Variants in PPP6R2 observed in about 807,000 individuals in gnomAD.
PPP6R2 encodes the protein serine/threonine-protein phosphatase 6 regulatory subunit 2.
Under a neutral mutation model 100.2 loss-of-function variants are expected in PPP6R2, and 62 were observed. That is an observed-to-expected ratio of 0.62 (90% confidence interval 0.50 to 0.76). The LOEUF is 0.76. Ranked by LOEUF, PPP6R2 falls within the 30% of genes least tolerant of loss-of-function variation. The probability of loss-of-function intolerance (pLI) is 0.00; values close to 1 mark genes in which losing one functional copy is unlikely to be tolerated. For synonymous variants in PPP6R2, 525 were observed against 514.7 expected, an observed-to-expected ratio of 1.02 and a Z score of -0.27; for missense variants, 1,142 against 1,276.3, an observed-to-expected ratio of 0.89 and a Z score of 1.60.
At chr22:50,385,776 A>T (rs2054108262) in intron 2 of PPP6R2, among the ~76,000 whole-genome samples, 1 of 148,300 alleles carries the variant, frequency 6.7e-6, no homozygotes, top group Non-Finnish European at 1.5e-5. Flanking sequence ...TCGGCCTCCC[A>T]AAGTGCTGGG....
chr22:50,348,551 A>C (rs1233389943), intron 1 of PPP6R2, among the ~76,000 whole-genome samples: 1 of 152,090 alleles, frequency 6.6e-6, no homozygotes, highest in African/African-American at 2.4e-5. Flanking sequence ...GAAATAGGGA[A>C]GCTGAATTAG....
At chr22:50,404,889 C>T (rs937156151) in intron 3 of PPP6R2, among the ~76,000 whole-genome samples, 63 of 152,320 alleles carry the variant, frequency 4.1e-4, no homozygotes, top group Non-Finnish European at 5.7e-4. Context: ...GAGGCAGGGT[C>T]ATGCACCAGG....
In PPP6R2 at chr22:50,414,523, G is replaced by A. The variant is rs201664082; in HGVS notation, c.415-29G>A. 206 of 1,609,928 alleles carry A rather than the reference G, an allele frequency of 1.3e-4. 1 individual carries two copies. The East Asian group carries it at 3.2e-3, about 25-fold the overall frequency. ...TCTCAGGGTTGTCAGGGTCGGCCCC[G>A]CCTGCCTCTCAGGTGTGTGTGATTT... On this transcript the variant is annotated intron_variant, in intron 4 of 23. Coordinates refer to ENST00000612753, the MANE Select transcript of PPP6R2 (RefSeq NM_001242898.2).
chr22:50,393,465 G>T, intron 2 of PPP6R2: 2 of 984,910 alleles, frequency 2.0e-6, no homozygotes, highest in Non-Finnish European at 2.4e-6. Flanking sequence ...ACACCTGGGC[G>T]CATTCGCCTA....
intron 15 of PPP6R2, among the ~76,000 whole-genome samples, 154 bp from the exon 16 acceptor site, chr22:50,437,352 C>T (rs976253039): frequency 8.5e-5 from 13 of 152,192 alleles, no homozygotes; most frequent in Non-Finnish European, 1.6e-4. Flanking sequence ...TTGGTAGAAT[C>T]GTGAGCCCTG....
At chr22:50,360,183 G>T (rs1246727725) in intron 1 of PPP6R2, among the ~76,000 whole-genome samples, 1 of 151,872 alleles carries the variant, frequency 6.6e-6, no homozygotes, top group East Asian at 1.9e-4. Context: ...CTCCCAAGTA[G>T]CTGGGACTAC....
chr22:50,387,843 G>A (rs148710364), intron 2 of PPP6R2, among the ~76,000 whole-genome samples: 4 of 152,294 alleles, frequency 2.6e-5, no homozygotes, highest in East Asian at 1.9e-4. Context: ...AGAATGAAAC[G>A]TGCTGGGAAC....
chr22:50,354,116 C>T (rs1017934576), intron 1 of PPP6R2, among the ~76,000 whole-genome samples: 2 of 151,808 alleles, frequency 1.3e-5, no homozygotes, highest in Non-Finnish European at 2.9e-5. Context: ...ACCACCGTGG[C>T]CAACATGGTG....
Position 50,443,865 on chromosome 22 carries a change from G to A in PPP6R2, c.2580-1G>A. 1 of 1,575,218 alleles carries A rather than the reference G, an allele frequency of 6.3e-7. No homozygotes were observed. Among genetic ancestry groups the A allele is most frequent in the Non-Finnish European group, 8.6e-7 (1 of 1,158,696 alleles). On this transcript the variant is annotated splice_acceptor_variant, in intron 22 of 23. Transcript: ENST00000612753. LOFTEE classifies it high-confidence loss of function. ...AACCGGAGTCCATGTTTGCCACACA[G>A]GGTCGGGTGTGCTGACAGCCGGCTG...
intron 2 of PPP6R2, among the ~76,000 whole-genome samples, chr22:50,385,914 C>T (rs554713448): frequency 1.4e-5 from 2 of 145,628 alleles, no homozygotes; most frequent in Non-Finnish European, 3.0e-5. Context: ...AGCTCCACCT[C>T]CCCAGTTCAT....
chr22:50,443,449 G>A (rs1219684534), intron 22 of PPP6R2: 8 of 166,526 alleles, frequency 4.8e-5, no homozygotes, highest in East Asian at 3.5e-4. Flanking sequence ...TGGGGTGCCC[G>A]ACCCCCTCCA....
intron 12 of PPP6R2, among the ~76,000 whole-genome samples, chr22:50,433,822 C>T (rs1384620536): frequency 1.3e-4 from 3 of 23,608 alleles, no homozygotes. Flanking sequence ...GGGCATTTGC[C>T]CTGGAGGTGA....
intron 6 of PPP6R2, among the ~76,000 whole-genome samples, chr22:50,416,934 C>T (rs1361758398): frequency 2.6e-5 from 4 of 151,842 alleles, no homozygotes; most frequent in African/African-American, 9.7e-5. Context: ...CCAGCCTGGG[C>T]GACAGTGAGA....
chr22:50,427,649 T>A lies in PPP6R2; in HGVS notation c.1126-3524T>A, dbSNP rs189277774. ...CTCACCGCAACCTTTGCCTCCCGGG[T>A]TCAAACAAGTCTCCTGCCTCAACCT... is the stretch of plus-strand genomic sequence containing the variant. On this transcript the variant is annotated intron_variant, in intron 10 of 23. Transcript: ENST00000612753. 2.3e-4 allele frequency among the ~76,000 whole-genome samples: 35 copies of A among 152,146 alleles called. No individual in the cohort carries two copies. The East Asian group carries it at 5.4e-3, about 23-fold the overall frequency.
At chr22:50,374,670 C>T (rs899784339) in intron 2 of PPP6R2, among the ~76,000 whole-genome samples, 2 of 152,074 alleles carry the variant, frequency 1.3e-5, no homozygotes, top group African/African-American at 4.8e-5. Flanking sequence ...AATCCCAGCA[C>T]TTTGGGAGGC....
chr22:50,418,797 T>C (rs2060906805), intron 6 of PPP6R2, 70 bp from the exon 7 acceptor site: 3 of 1,203,302 alleles, frequency 2.5e-6, no homozygotes, highest in South Asian at 2.5e-5. Flanking sequence ...GTGCCCTGTG[T>C]GCCCAGCAGG....
chr22:50,406,331 C>G (rs1357776466), intron 3 of PPP6R2, among the ~76,000 whole-genome samples: 1 of 138,282 alleles, frequency 7.2e-6, no homozygotes, highest in African/African-American at 2.8e-5. Flanking sequence ...AGAGGCCTGG[C>G]AGGCGAGTGT....
intron 17 of PPP6R2, 50 bp from the exon 18 acceptor site, chr22:50,438,124 C>T (rs1342444066): frequency 1.9e-6 from 3 of 1,575,832 alleles, no homozygotes; most frequent in Admixed American, 1.8e-5. Flanking sequence ...AGAGCGGCTC[C>T]TGTCTCCCCC....
intron 4 of PPP6R2, among the ~76,000 whole-genome samples, chr22:50,407,176 G>C (rs1317195848): frequency 3.3e-5 from 5 of 152,096 alleles, no homozygotes; most frequent in Admixed American, 1.3e-4. Flanking sequence ...ACAAAACCCT[G>C]TCTCTACTAA....
Sources: allele counts gnomAD v4.1 joint callset (sites outside exome capture counted in the v4.1 genomes callset), GRCh38; gene constraint gnomAD v4.1.1; transcripts MANE v1.5; gene names NCBI Gene and HGNC (gene_info 2026-07-23, HGNC 2026-07-21).